The following ZNF385D variants were observed in gnomAD, a reference collection of about 807,000 sequenced individuals.
The protein encoded by ZNF385D is zinc finger protein 385D, also known as zinc finger protein 659.
ZNF385D carries 15 observed loss-of-function variants against 35.8 expected under a neutral mutation model. The observed-to-expected ratio is 0.42, with a 90% CI of 0.28 to 0.64. ZNF385D has a LOEUF of 0.64. Among genes scored for constraint, ZNF385D ranks in the 30% least tolerant of loss-of-function variants. The pLI is 0.23. For missense variants in ZNF385D, 474 were observed against 494.6 expected (o/e 0.96, Z 0.39); for synonymous variants, 212 against 186.8 (o/e 1.13, Z -1.10).
At chr3:21,687,772 A>T (rs73042125) in intron 1 of ZNF385D, among the ~76,000 whole-genome samples, 49 of 152,228 alleles carry the variant, frequency 3.2e-4, no homozygotes, top group Non-Finnish European at 6.6e-4. Context: ...AATAAATATA[A>T]AAAGAAAAAA....
At position 22,327,969 on chromosome 3, in the gene ZNF385D, G is replaced by T. The variant is rs142099632; in HGVS notation, c.106+44481C>A. On this transcript the variant is annotated intron_variant, in intron 2 of 5. Coordinates refer to the ZNF385D transcript ENST00000494108. Reference sequence around the variant, plus strand: ...GGAAGAAACTGAAGTAACATTAAGCGCCTAATATATGATAAGCGCTCTTCT... The same window carrying T: ...GGAAGAAACTGAAGTAACATTAAGCTCCTAATATATGATAAGCGCTCTTCT... 2.0e-5 allele frequency among the ~76,000 whole-genome samples: 3 copies of T among 152,098 alleles called. No homozygotes were observed. The East Asian group carries it at 5.8e-4, about 29-fold the overall frequency.
At chr3:22,200,618 C>G (rs961928003) in intron 2 of ZNF385D, among the ~76,000 whole-genome samples, 2 of 151,812 alleles carry the variant, frequency 1.3e-5, no homozygotes, top group African/African-American at 2.4e-5. Context: ...TTGAGAGCAA[C>G]TAGTCTGACC....
intron 3 of ZNF385D, among the ~76,000 whole-genome samples, chr3:21,779,158 C>T (rs953263133): frequency 6.6e-6 from 1 of 151,920 alleles, no homozygotes; most frequent in African/African-American, 2.4e-5. Flanking sequence ...ACATTACTTT[C>T]TCAGCTCCAA....
intron 2 of ZNF385D, among the ~76,000 whole-genome samples, chr3:22,352,743 A>G (rs1359790191): frequency 1.3e-5 from 2 of 152,138 alleles, no homozygotes; most frequent in Non-Finnish European, 2.9e-5. Flanking sequence ...AGTAGATAAA[A>G]ATTTGGAGGC....
At chr3:22,222,023 C>T (rs796990207) in intron 2 of ZNF385D, among the ~76,000 whole-genome samples, 3 of 152,090 alleles carry the variant, frequency 2.0e-5, no homozygotes, top group East Asian at 1.9e-4. Flanking sequence ...ATCGTCCAGG[C>T]TGGAGTGCAG....
chr3:22,330,046 T>C (rs1478241745), intron 2 of ZNF385D, among the ~76,000 whole-genome samples: 11 of 152,168 alleles, frequency 7.2e-5, no homozygotes. Flanking sequence ...ATTAATCTAA[T>C]TGTCTGTGTG....
intron 4 of ZNF385D, among the ~76,000 whole-genome samples, chr3:21,498,514 A>C (rs1182068015): frequency 2.0e-5 from 3 of 152,192 alleles, no homozygotes; most frequent in Admixed American, 2.0e-4. Flanking sequence ...TTTACAAGCA[A>C]AAAACAAGCA....
At chr3:21,820,324 CA>C (rs2073347644) in intron 3 of ZNF385D, among the ~76,000 whole-genome samples, 4 of 151,182 alleles carry the variant, frequency 2.6e-5, no homozygotes, top group African/African-American at 9.7e-5. Flanking sequence ...AAAGAAGAAC[CA>C]ACATAAGAAA....
chr3:21,765,746 G>GAGAGAGAC (rs1553656857), intron 3 of ZNF385D, among the ~76,000 whole-genome samples: 12 of 82,450 alleles, frequency 1.5e-4, no homozygotes, highest in Non-Finnish European at 5.8e-5. Flanking sequence ...GAGAGAGACA[G>GAGAGAGAC]AGAGAGAGAG....
intron 2 of ZNF385D, among the ~76,000 whole-genome samples, chr3:22,212,173 A>C (rs1212084810): frequency 2.0e-5 from 3 of 151,980 alleles, no homozygotes; most frequent in East Asian, 1.9e-4. Flanking sequence ...AGAAGAGTGC[A>C]AAGGACTGAG....
chr3:22,195,051 TCCC>T (rs539226019), intron 2 of ZNF385D, among the ~76,000 whole-genome samples: 1 of 151,800 alleles, frequency 6.6e-6, no homozygotes, highest in Admixed American at 6.6e-5. Flanking sequence ...CAAATTATTT[TCCC>T]CCCAAGAAAG....
intron 3 of ZNF385D, among the ~76,000 whole-genome samples, chr3:22,042,439 A>G (rs1698723696): frequency 6.6e-6 from 1 of 152,184 alleles, no homozygotes. Flanking sequence ...GGCTAAAAAA[A>G]AAAGTTTTTC....
intron 3 of ZNF385D, among the ~76,000 whole-genome samples, chr3:21,946,317 G>GTA (rs1204595861): frequency 6.6e-6 from 1 of 151,956 alleles, no homozygotes; most frequent in South Asian, 2.1e-4. Context: ...ACATTTTTAT[G>GTA]TATATATATT....
chr3:21,428,118 C>T (rs1701104562), intron 5 of ZNF385D, among the ~76,000 whole-genome samples: 1 of 151,924 alleles, frequency 6.6e-6, no homozygotes, highest in Non-Finnish European at 1.5e-5. Flanking sequence ...GCTGTATTTC[C>T]TCCAAATACA....
At position 21,646,569 on chromosome 3, in the gene ZNF385D, C is replaced by T. The variant is rs2065759111; in HGVS notation, c.165+18317G>A. Among the ~76,000 whole-genome samples, 1 of 152,110 alleles carries T rather than the reference C, an allele frequency of 6.6e-6. No individual in the cohort carries two copies. The highest frequency in any genetic ancestry group is 1.5e-5 in the Non-Finnish European group (1 of 68,030). On this transcript the variant is annotated intron_variant, in intron 2 of 7. Coordinates refer to ENST00000281523, the MANE Select transcript of ZNF385D (RefSeq NM_024697.3). This position sits in a 1 kb window ranked among gnomAD's most constrained non-coding sequence, Gnocchi z 4.3. ...TAACTGAGTGTCTATTGTGTATTGACCACCTAACAAATAGTGAATTTTGGA... is the reference window on the plus strand; with the variant it reads ...TAACTGAGTGTCTATTGTGTATTGATCACCTAACAAATAGTGAATTTTGGA...
At chr3:22,287,031 ACTT>A (rs141542092) in intron 2 of ZNF385D, among the ~76,000 whole-genome samples, 8,529 of 152,052 alleles carry the variant, frequency 0.056, 591 homozygotes, top group African/African-American at 0.16. Flanking sequence ...TATTTTAATA[ACTT>A]CTTTAGATAT....
At chr3:21,845,753 C>T (rs897919704) in intron 3 of ZNF385D, among the ~76,000 whole-genome samples, 3 of 151,814 alleles carry the variant, frequency 2.0e-5, no homozygotes, top group African/African-American at 4.8e-5. Flanking sequence ...ACTAGAAATG[C>T]GATTTTCGTG....
intron 3 of ZNF385D, among the ~76,000 whole-genome samples, chr3:21,807,107 G>C (rs1454025959): frequency 6.6e-6 from 1 of 152,160 alleles, no homozygotes; most frequent in Non-Finnish European, 1.5e-5. Flanking sequence ...AAAATATAAT[G>C]TGAATCAGAT....
chr3:22,156,471 TAGAG>T (rs1049105843), intron 3 of ZNF385D, among the ~76,000 whole-genome samples: 3 of 151,836 alleles, frequency 2.0e-5, no homozygotes, highest in Non-Finnish European at 4.4e-5. Context: ...GAGCTAGGTT[TAGAG>T]AGAGAGAGAA....
Sources: gnomAD v4.1 joint callset for allele counts (sites outside exome capture counted in the v4.1 genomes callset) on GRCh38, gnomAD v4.1.1 for gene constraint, Gnocchi (gnomAD v3.1) non-coding constraint, MANE v1.5 for transcripts, NCBI Gene and HGNC (gene_info 2026-07-23, HGNC 2026-07-21) for gene names.